Variants in KIAA1328 observed in about 807,000 individuals in gnomAD.
The protein encoded by KIAA1328 is KIAA1328, also known as protein hinderin.
Under a neutral mutation model 68.1 loss-of-function variants are expected in KIAA1328, and 52 were observed. The ratio of observed to expected loss-of-function variants is 0.76; its 90% CI spans 0.61 to 0.96. The LOEUF (loss-of-function observed/expected upper bound fraction) is 0.96, where lower values mean the gene tolerates loss of function less well. Among genes scored for constraint, KIAA1328 ranks in the 40% least tolerant of loss-of-function variants. KIAA1328 has a pLI of 0.00. For synonymous variants in KIAA1328, 232 were observed against 239.4 expected (o/e 0.97, Z 0.28); for missense variants, 641 against 677.6 (o/e 0.95, Z 0.60).
At chr18:37,024,248 A>G (rs1055721449) in intron 6 of KIAA1328, among the ~76,000 whole-genome samples, 5 of 151,730 alleles carry the variant, frequency 3.3e-5, no homozygotes, top group Non-Finnish European at 7.4e-5. Flanking sequence ...CAGTCTTCCT[A>G]CCTCGGACTC....
rs527290235 is a variant in KIAA1328 at position 37,219,461 on chromosome 18, G to A, written c.1524-2556G>A. Among the ~76,000 whole-genome samples the A allele has an allele frequency of 6.2e-4, 94 of 152,320 alleles. 1 individual carries two copies. Among genetic ancestry groups the A allele is most frequent in the Admixed American group, 1.1e-3 (17 of 15,302 alleles). On this transcript the variant is annotated intron_variant, in intron 9 of 9. Coordinates refer to ENST00000280020, the MANE Select transcript of KIAA1328 (RefSeq NM_020776.3). Reference sequence around the variant, plus strand: ...GAGTCTACAGAGGCAGGCAGGCCTCGTTGACCTGCGGTGGGCTCCACCCAG... The same window carrying A: ...GAGTCTACAGAGGCAGGCAGGCCTCATTGACCTGCGGTGGGCTCCACCCAG...
At chr18:37,060,971 C>T (rs1325000871) in intron 6 of KIAA1328, among the ~76,000 whole-genome samples, 1 of 151,996 alleles carries the variant, frequency 6.6e-6, no homozygotes, top group Non-Finnish European at 1.5e-5. Context: ...AAAAATTAGC[C>T]GGCCATGGTG....
At chr18:36,984,386 GAACT>G (rs1190081897) in intron 6 of KIAA1328, among the ~76,000 whole-genome samples, 1 of 152,022 alleles carries the variant, frequency 6.6e-6, no homozygotes, top group Non-Finnish European at 1.5e-5. Flanking sequence ...AATGTTACAA[GAACT>G]AATAAGTGAA....
chr18:37,024,940 G>A (rs1599005958), intron 6 of KIAA1328, among the ~76,000 whole-genome samples: 1 of 152,120 alleles, frequency 6.6e-6, no homozygotes, highest in East Asian at 1.9e-4. Flanking sequence ...CTAGATCCCT[G>A]AGGAATTGCC....
chr18:37,214,416 C>T (rs2060383342), intron 9 of KIAA1328, among the ~76,000 whole-genome samples: 2 of 152,166 alleles, frequency 1.3e-5, no homozygotes, highest in South Asian at 4.1e-4. Flanking sequence ...AATCCTTTCC[C>T]CATTTCTTGT....
At chr18:37,139,914 A>C (rs911176329) in intron 7 of KIAA1328, among the ~76,000 whole-genome samples, 1 of 152,160 alleles carries the variant, frequency 6.6e-6, no homozygotes, top group African/African-American at 2.4e-5. Flanking sequence ...AGCTCATTTT[A>C]CTGAGCCATT....
At chr18:36,970,611 GGATAC>G (rs2052157585) in intron 6 of KIAA1328, among the ~76,000 whole-genome samples, 1 of 152,130 alleles carries the variant, frequency 6.6e-6, no homozygotes, top group Admixed American at 6.6e-5. Flanking sequence ...CAAAGTCTCA[GGATAC>G]AAAATCAGTG....
intron 8 of KIAA1328, among the ~76,000 whole-genome samples, chr18:37,169,460 C>G (rs2059456961): frequency 6.6e-6 from 1 of 152,062 alleles, no homozygotes; most frequent in Admixed American, 6.6e-5. Flanking sequence ...CCATGGCACT[C>G]TGCCAGCATT....
intron 7 of KIAA1328, among the ~76,000 whole-genome samples, chr18:37,119,751 G>T (rs898245581): frequency 2.6e-5 from 4 of 152,114 alleles, no homozygotes; most frequent in Non-Finnish European, 5.9e-5. Context: ...TAAAATGACA[G>T]TGGTCATTTA....
At chr18:36,844,159 T>C (rs763159873) in intron 3 of KIAA1328, 49 bp from the exon 4 acceptor site, 1 of 1,311,444 alleles carries the variant, frequency 7.6e-7, no homozygotes, top group Non-Finnish European at 1.1e-6. Context: ...TTGAAAAGAC[T>C]TTAAAAATTG....
chr18:36,943,553 A>T (rs1314078913), intron 5 of KIAA1328, among the ~76,000 whole-genome samples: 1 of 152,326 alleles, frequency 6.6e-6, no homozygotes, highest in East Asian at 1.9e-4. Flanking sequence ...CAGTGTTTTT[A>T]ACCAGAGTGG....
intron 4 of KIAA1328, among the ~76,000 whole-genome samples, chr18:36,851,680 A>G (rs1286526981): frequency 1.3e-5 from 2 of 149,776 alleles, no homozygotes; most frequent in Admixed American, 1.3e-4. Context: ...TTTTATTTAC[A>G]TTATCTCTTA....
intron 5 of KIAA1328, among the ~76,000 whole-genome samples, chr18:36,938,224 C>G (rs1052379351): frequency 6.6e-6 from 1 of 152,114 alleles, no homozygotes; most frequent in Non-Finnish European, 1.5e-5. Context: ...AAGAACAGTT[C>G]ACACAGGATC....
At chr18:36,888,179 A>G (rs1023937552) in intron 5 of KIAA1328, among the ~76,000 whole-genome samples, 1 of 152,082 alleles carries the variant, frequency 6.6e-6, no homozygotes, top group Non-Finnish European at 1.5e-5. Context: ...TCGGGGGGAG[A>G]ACACTACTAC....
chr18:36,955,465 A>G (rs993956270), intron 5 of KIAA1328, among the ~76,000 whole-genome samples: 12 of 151,892 alleles, frequency 7.9e-5, no homozygotes, highest in African/African-American at 2.9e-4. Context: ...GCCTGCCACC[A>G]CAGCCAGCTA....
At chr18:37,071,170 TCAG>T (rs2056519984) in intron 7 of KIAA1328, among the ~76,000 whole-genome samples, 1 of 147,516 alleles carries the variant, frequency 6.8e-6, no homozygotes, top group Non-Finnish European at 1.5e-5. Context: ...CCTCCTGGGC[TCAG>T]GTGATCCTCC....
intron 7 of KIAA1328, among the ~76,000 whole-genome samples, chr18:37,098,012 T>C (rs2057467067): frequency 6.6e-6 from 1 of 152,204 alleles, no homozygotes; most frequent in African/African-American, 2.4e-5. Flanking sequence ...AATCATGTCA[T>C]CTGCAAACAG....
At chr18:36,962,918 C>T (rs1293531624) in intron 6 of KIAA1328, among the ~76,000 whole-genome samples, 2 of 152,144 alleles carry the variant, frequency 1.3e-5, no homozygotes, top group African/African-American at 2.4e-5. Context: ...CCTAGAGAAG[C>T]AAGAGCAAAC....
At chr18:37,033,444 G>C (rs1437552152) in intron 6 of KIAA1328, among the ~76,000 whole-genome samples, 2 of 152,104 alleles carry the variant, frequency 1.3e-5, no homozygotes, top group African/African-American at 2.4e-5. Context: ...TTTAAGCTTT[G>C]TTAAGGCTAG....
Sources: gnomAD v4.1 joint callset for allele counts (sites outside exome capture counted in the v4.1 genomes callset) on GRCh38, gnomAD v4.1.1 for gene constraint, MANE v1.5 for transcripts, NCBI Gene and HGNC (gene_info 2026-07-23, HGNC 2026-07-21) for gene names.